PICALM: variants seen among roughly 807,000 people sequenced by gnomAD.
The protein encoded by PICALM is phosphatidylinositol binding clathrin assembly protein, also known as phosphatidylinositol-binding clathrin assembly protein.
PICALM carries 40 observed loss-of-function variants against 80.5 expected under a neutral mutation model. The observed-to-expected ratio is 0.50, with a 90% confidence interval of 0.39 to 0.65. PICALM has a LOEUF of 0.65. Among genes scored for constraint, PICALM ranks in the 30% least tolerant of loss-of-function variants. PICALM has a pLI of 0.00. For missense variants in PICALM, 676 were observed against 778.9 expected (o/e 0.87, Z 1.57); for synonymous variants, 288 against 260.3 (o/e 1.11, Z -1.02).
At chr11:85,977,301 C>T (rs1272555962) in intron 17 of PICALM, among the ~76,000 whole-genome samples, 1 of 152,116 alleles carries the variant, frequency 6.6e-6, no homozygotes, top group Non-Finnish European at 1.5e-5. Context: ...TTAAGAGGAA[C>T]AATCAATTAG....
rs775072780 is a variant in PICALM at position 85,986,365 on chromosome 11, A to ATTTTTTTTTTTT, written c.1409-2404_1409-2393dup. On this transcript the variant is annotated intron_variant, in intron 13 of 19. Coordinates refer to ENST00000393346, the MANE Select transcript of PICALM (RefSeq NM_007166.4). ...AAACTATCAGGACTGCCAACTTTTA[A>ATTTTTTTTTTTT]TTTTTTTTTTTTTTTTTTTTTTTTT... is the stretch of plus-strand genomic sequence containing the variant. Among the ~76,000 whole-genome samples, 61 of 73,746 alleles carry ATTTTTTTTTTTT rather than the reference A, an allele frequency of 8.3e-4. 10 individuals are homozygous for ATTTTTTTTTTTT. Among genetic ancestry groups the ATTTTTTTTTTTT allele is most frequent in the East Asian group, 2.8e-3 (5 of 1,800 alleles). The allele number at this position is 73,746 out of a possible 152,430, so 48.4% of individuals were successfully genotyped here. A position where few individuals can be genotyped will look rare whatever the true frequency, so the allele number is the denominator to read the frequency against.
rs73504429 is a variant in PICALM at position 85,961,601 on chromosome 11, T to C, written c.1945-2541A>G. ...TTAATTTTCATACATGTATCCTTCA[T>C]TAAGCTGACATGAGCGTTTCAAACC... On this transcript the variant is annotated intron_variant, in intron 19 of 19. Transcript: ENST00000393346. Among the ~76,000 whole-genome samples, 1,348 of 152,346 alleles carry C rather than the reference T, an allele frequency of 8.8e-3. 12 individuals carry two copies. Among genetic ancestry groups the C allele is most frequent in the African/African-American group, 0.023 (974 of 41,578 alleles).
intron 19 of PICALM, among the ~76,000 whole-genome samples, chr11:85,968,614 A>G (rs2093988513): frequency 6.6e-6 from 1 of 152,228 alleles, no homozygotes; most frequent in African/African-American, 2.4e-5. Flanking sequence ...GTATATTGCA[A>G]CTAAAGAATT....
At chr11:85,978,363 C>G (rs1455086778) in intron 17 of PICALM, 1 of 246,982 alleles carries the variant, frequency 4.0e-6, no homozygotes, top group African/African-American at 2.2e-5. Context: ...ATTCTATCAA[C>G]AGTGTCAACA....
chr11:85,997,496 A>C (rs1465225914), intron 11 of PICALM, among the ~76,000 whole-genome samples: 1 of 152,150 alleles, frequency 6.6e-6, no homozygotes, highest in Non-Finnish European at 1.5e-5. Flanking sequence ...TTTGAGACAG[A>C]GTCTCGCTCT....
At chr11:85,981,724 A>G in intron 16 of PICALM, 21 bp downstream of exon 16, 3 of 1,572,914 alleles carry the variant, frequency 1.9e-6, no homozygotes, top group Non-Finnish European at 2.6e-6. Context: ...GGAGAAAACA[A>G]TGTGTATATT....
intron 8 of PICALM, among the ~76,000 whole-genome samples, chr11:86,005,192 G>C (rs905644097): frequency 2.6e-5 from 4 of 152,170 alleles, no homozygotes; most frequent in Admixed American, 6.5e-5. Flanking sequence ...AGGTATCTCT[G>C]ACTTTAAAGA....
At chr11:85,993,533 G>A (rs907799750) in intron 12 of PICALM, among the ~76,000 whole-genome samples, 1 of 151,978 alleles carries the variant, frequency 6.6e-6, no homozygotes. Flanking sequence ...CTGCTTCTCA[G>A]GTTCAAGCGA....
chr11:85,989,032 GT>G (rs1476417360), intron 13 of PICALM, among the ~76,000 whole-genome samples: 1 of 152,138 alleles, frequency 6.6e-6, no homozygotes, highest in Non-Finnish European at 1.5e-5. Flanking sequence ...GTACAATTCA[GT>G]GTTCTTAAAG....
chr11:86,056,941 T>G (rs967089200), intron 1 of PICALM, among the ~76,000 whole-genome samples: 4 of 152,148 alleles, frequency 2.6e-5, no homozygotes, highest in Non-Finnish European at 4.4e-5. Flanking sequence ...ATGACTCCAT[T>G]AATACGAAAT....
intron 11 of PICALM, among the ~76,000 whole-genome samples, chr11:85,998,148 G>A (rs938602988): frequency 2.0e-5 from 3 of 151,524 alleles, no homozygotes; most frequent in Admixed American, 6.6e-5. Context: ...GTCTCGCTCC[G>A]TCGCCCAGGC....
At chr11:85,965,654 T>TA (rs2093851137) in intron 19 of PICALM, among the ~76,000 whole-genome samples, 1 of 152,158 alleles carries the variant, frequency 6.6e-6, no homozygotes, top group Non-Finnish European at 1.5e-5. Context: ...TATATACATG[T>TA]AGGGGTCTGT....
chr11:85,992,532 C>T (rs529817181), intron 12 of PICALM, among the ~76,000 whole-genome samples: 2 of 151,532 alleles, frequency 1.3e-5, no homozygotes, highest in African/African-American at 4.8e-5. Context: ...GTGATCCACC[C>T]GCCTTGGCCT....
chr11:85,974,356 A>G lies in PICALM; in HGVS notation c.1944+352T>C, dbSNP rs2094204782. ...CTGCTGTAGCATCATTCTAGCCATTAGCCAAGGAACTAAAGCTCTGAGTTA... is the reference window on the plus strand; with the variant it reads ...CTGCTGTAGCATCATTCTAGCCATTGGCCAAGGAACTAAAGCTCTGAGTTA... On this transcript the variant is annotated intron_variant, in intron 19 of 19. Coordinates refer to ENST00000393346, the MANE Select transcript of PICALM (RefSeq NM_007166.4). 4 of 421,174 alleles carry G rather than the reference A, an allele frequency of 9.5e-6. No homozygotes were observed. In the East Asian group the frequency reaches 1.7e-4, roughly 18 times the overall value. The allele number at this position is 421,174 out of a possible 1,614,324, so 26.1% of individuals were successfully genotyped here. A position where few individuals can be genotyped will look rare whatever the true frequency, so the allele number is the denominator to read the frequency against.
At chr11:86,055,074 T>C (rs1938383366) in intron 1 of PICALM, among the ~76,000 whole-genome samples, 1 of 152,140 alleles carries the variant, frequency 6.6e-6, no homozygotes, top group Admixed American at 6.5e-5. Flanking sequence ...CTAATGCCTG[T>C]AATCTCAACA....
intron 12 of PICALM, among the ~76,000 whole-genome samples, chr11:85,995,607 A>G (rs1269899169): frequency 1.3e-5 from 2 of 152,164 alleles, no homozygotes; most frequent in African/African-American, 4.8e-5. Flanking sequence ...TTTTTAGTCT[A>G]TTTAGAAAAA....
chr11:86,001,426 T>C (rs566881791), intron 9 of PICALM, among the ~76,000 whole-genome samples: 5 of 152,306 alleles, frequency 3.3e-5, no homozygotes, highest in South Asian at 4.1e-4. Flanking sequence ...GTGGGGCACA[T>C]TGCCTCTTCC....
At chr11:85,964,681 C>G (rs2093814314) in intron 19 of PICALM, among the ~76,000 whole-genome samples, 1 of 52,014 alleles carries the variant, frequency 1.9e-5, no homozygotes, top group South Asian at 4.5e-4. Flanking sequence ...CTGCCGTGCT[C>G]TGTTATGTCT....
chr11:86,034,177 G>T (rs571291234), intron 1 of PICALM, among the ~76,000 whole-genome samples: 6 of 152,270 alleles, frequency 3.9e-5, no homozygotes, highest in Admixed American at 6.5e-5. Context: ...TATGAATCCA[G>T]AATAGACCAA....
Sources: gnomAD v4.1 joint callset for allele counts (sites outside exome capture counted in the v4.1 genomes callset) on GRCh38, gnomAD v4.1.1 for gene constraint, MANE v1.5 for transcripts, NCBI Gene and HGNC (gene_info 2026-07-23, HGNC 2026-07-21) for gene names.